DOK6: variants seen among roughly 807,000 people sequenced by gnomAD.
DOK6 encodes the protein docking protein 6.
A neutral mutation model predicts 44.0 loss-of-function variants in DOK6; 22 were observed. That is an observed-to-expected ratio of 0.50 (90% CI 0.36 to 0.71). The LOEUF is 0.71. Among genes scored for constraint, DOK6 ranks in the 30% least tolerant of loss-of-function variants. The pLI, the probability that DOK6 is intolerant of heterozygous loss-of-function variation, is 0.00. For missense variants in DOK6, 340 were observed against 416.4 expected (o/e 0.82, Z 1.60); for synonymous variants, 166 against 145.5 (o/e 1.14, Z -1.01).
intron 3 of DOK6, among the ~76,000 whole-genome samples, chr18:69,655,628 C>T (rs1232951636): frequency 1.3e-5 from 2 of 151,690 alleles, no homozygotes; most frequent in Admixed American, 6.6e-5. Flanking sequence ...AGGCAGGTGC[C>T]TGTAATTCCA....
chr18:69,661,358 C>T (rs1370424035), intron 3 of DOK6: 2 of 152,230 alleles, frequency 1.3e-5, no homozygotes, highest in Non-Finnish European at 2.9e-5. Flanking sequence ...ATGACATCAA[C>T]AACGGCCTCA....
intron 2 of DOK6, among the ~76,000 whole-genome samples, chr18:69,571,387 C>A (rs1202547371): frequency 6.6e-6 from 1 of 151,632 alleles, no homozygotes; most frequent in Non-Finnish European, 1.5e-5. Context: ...TTATTTAAAG[C>A]CAATCCATGA....
intron 2 of DOK6, among the ~76,000 whole-genome samples, chr18:69,592,976 G>C (rs759328677): frequency 6.6e-6 from 1 of 152,168 alleles, no homozygotes; most frequent in East Asian, 1.9e-4. Flanking sequence ...AATCCATATA[G>C]TATTGACAGT....
chr18:69,405,129 G>C (rs962089324), intron 1 of DOK6, among the ~76,000 whole-genome samples: 2 of 152,080 alleles, frequency 1.3e-5, no homozygotes, highest in African/African-American at 4.8e-5. Context: ...TCTTATTGTG[G>C]ATTCACCTAC....
rs532283221 is a variant in DOK6, at chr18:69,506,902, T to C, written c.67-57585T>C. 3.4e-3 allele frequency among the ~76,000 whole-genome samples: 513 copies of C among 152,028 alleles called. 1 individual carries two copies. Among genetic ancestry groups the C allele is most frequent in the African/African-American group, 0.011 (474 of 41,426 alleles). ...ACACACACACACACATATGTACATATATACACACACACACATATGTATATT... is the reference window on the plus strand; with the variant it reads ...ACACACACACACACATATGTACATACATACACACACACACATATGTATATT... On this transcript the variant is annotated intron_variant, in intron 1 of 7. Transcript: ENST00000382713.
intron 7 of DOK6, among the ~76,000 whole-genome samples, chr18:69,780,969 A>G (rs776760652): frequency 2.6e-5 from 4 of 152,154 alleles, no homozygotes; most frequent in Non-Finnish European, 5.9e-5. Flanking sequence ...TAGCCTGTAG[A>G]TCTCCACCGA....
At chr18:69,755,145 A>G (rs1257520475) in intron 6 of DOK6, among the ~76,000 whole-genome samples, 2 of 152,236 alleles carry the variant, frequency 1.3e-5, no homozygotes, top group Non-Finnish European at 2.9e-5. Flanking sequence ...AACAATGAAG[A>G]GGGAAGAGTA....
chr18:69,706,272 A>G (rs1158215983), intron 5 of DOK6, among the ~76,000 whole-genome samples: 1 of 152,172 alleles, frequency 6.6e-6, no homozygotes, highest in African/African-American at 2.4e-5. Flanking sequence ...TCAGATTTAC[A>G]TGTCAAAGGC....
chr18:69,687,550 C>T (rs959224892), intron 4 of DOK6, among the ~76,000 whole-genome samples: 4 of 152,148 alleles, frequency 2.6e-5, no homozygotes, highest in Middle Eastern at 3.4e-3. Context: ...GGTGTGGTGG[C>T]GGGCGCCTGA....
rs183854837 is a variant in DOK6 at position 69,785,652 on chromosome 18, C to T, written c.856+27779C>T. ...AGAAACCTCAAGAATTCTTTTTGTTCCGTTGCCAGATTTGAAACTCAGTCA... is the reference window on the plus strand; with the variant it reads ...AGAAACCTCAAGAATTCTTTTTGTTTCGTTGCCAGATTTGAAACTCAGTCA... On this transcript the variant is annotated intron_variant, in intron 7 of 7. Transcript: ENST00000382713. 1.4e-3 allele frequency among the ~76,000 whole-genome samples: 216 copies of T among 152,162 alleles called. 1 individual carries two copies. The highest frequency in any genetic ancestry group is 2.3e-3 in the Non-Finnish European group (159 of 67,986).
At chr18:69,423,235 T>C (rs1404004606) in intron 1 of DOK6, among the ~76,000 whole-genome samples, 1 of 152,114 alleles carries the variant, frequency 6.6e-6, no homozygotes, top group Non-Finnish European at 1.5e-5. Flanking sequence ...CTGGGAGATC[T>C]AAGCTGTAGT....
chr18:69,650,089 G>T (rs1170980199), intron 3 of DOK6, among the ~76,000 whole-genome samples: 4 of 152,020 alleles, frequency 2.6e-5, no homozygotes, highest in African/African-American at 9.7e-5. Flanking sequence ...CACCCAGTGA[G>T]ATTAACACTT....
At chr18:69,603,770 CAAAAAAAAAAAA>C (rs55654660) in intron 3 of DOK6, among the ~76,000 whole-genome samples, 4 of 74,346 alleles carry the variant, frequency 5.4e-5, no homozygotes, top group African/African-American at 1.6e-4. Context: ...GACTCCGTCT[CAAAAAAAAAAAA>C]AAAAAAAAAA....
At chr18:69,758,831 T>C (rs1235738086) in intron 7 of DOK6, among the ~76,000 whole-genome samples, 1 of 152,212 alleles carries the variant, frequency 6.6e-6, no homozygotes, top group Non-Finnish European at 1.5e-5. Context: ...CATTAGCTTT[T>C]GCTCACTATT....
In DOK6 at chr18:69,458,379, A is replaced by G. The variant is rs554967470; in HGVS notation, c.66+57069A>G. On this transcript the variant is annotated intron_variant, in intron 1 of 7. Transcript: ENST00000382713. ...GATAATAGTCCTCAAAAGACTAGGC[A>G]TCAAATGAATATACCTCAAAATAAT... Among the ~76,000 whole-genome samples, 6 of 152,350 alleles carry G rather than the reference A, an allele frequency of 3.9e-5. No individual in the cohort carries two copies. The South Asian group carries it at 1.2e-3, about 32-fold the overall frequency.
At chr18:69,837,342 T>C (rs1982082853) in intron 7 of DOK6, among the ~76,000 whole-genome samples, 2 of 152,126 alleles carry the variant, frequency 1.3e-5, no homozygotes, top group South Asian at 4.1e-4. Flanking sequence ...AACTCACTTT[T>C]ATAGCAAAGC....
intron 1 of DOK6, among the ~76,000 whole-genome samples, chr18:69,539,006 T>C (rs2144579509): frequency 6.6e-6 from 1 of 152,268 alleles, no homozygotes; most frequent in African/African-American, 2.4e-5. Flanking sequence ...ACAGAGTGCT[T>C]GGATATGCTC....
Position 69,847,637 on chromosome 18 carries a change from G to A in DOK6, c.*6254G>A, listed in dbSNP as rs1982373821. The A allele has an allele frequency of 6.6e-6, 1 of 152,078 alleles. No individual in the cohort carries two copies. Among genetic ancestry groups the A allele is most frequent in the African/African-American group, 2.4e-5 (1 of 41,392 alleles). 9.4% of individuals were successfully genotyped at this position (152,078 alleles called of 1,614,324 possible). ...AGCCAGGGAAAATAAAGAACAGAAT[G>A]ATAGTAGTATCTTGATATTAAATTT... is the stretch of plus-strand genomic sequence containing the variant. On this transcript the variant is annotated 3_prime_UTR_variant, in exon 8 of 8. Transcript: ENST00000382713.
At chr18:69,650,328 A>C (rs1283405379) in intron 3 of DOK6, among the ~76,000 whole-genome samples, 1 of 152,140 alleles carries the variant, frequency 6.6e-6, no homozygotes, top group Admixed American at 6.5e-5. Flanking sequence ...GAAGTCATCC[A>C]AAGGTTCTAG....
Sources: gnomAD v4.1 joint callset for allele counts (sites outside exome capture counted in the v4.1 genomes callset) on GRCh38, gnomAD v4.1.1 for gene constraint, MANE v1.5 for transcripts, NCBI Gene and HGNC (gene_info 2026-07-23, HGNC 2026-07-21) for gene names.